CPLANE1: variants seen among roughly 807,000 people sequenced by gnomAD.
The protein encoded by CPLANE1 is ciliogenesis and planar polarity effector 1.
CPLANE1 carries 263 observed loss-of-function variants against 362.5 expected under a neutral mutation model. That is an observed-to-expected ratio of 0.73 (90% CI 0.66 to 0.80). The LOEUF is 0.80. Among genes scored for constraint, CPLANE1 ranks in the 30% least tolerant of loss-of-function variants. The probability of loss-of-function intolerance (pLI) is 0.00; values close to 1 mark genes in which losing one functional copy is unlikely to be tolerated. For missense variants in CPLANE1, 3,461 were observed against 3,793.4 expected (o/e 0.91, Z 2.30); for synonymous variants, 1,212 against 1,302.6 (o/e 0.93, Z 1.50).
chr5:37,083,087 C>CAGTT, the CPLANE1 span, among the ~76,000 whole-genome samples: 1 of 152,190 alleles, frequency 6.6e-6, no homozygotes, highest in African/African-American at 2.4e-5. Flanking sequence ...GACCCACAGA[C>CAGTT]AGTTCACATC....
At chr5:37,118,196 C>A (rs1208590053) in intron 50 of CPLANE1, among the ~76,000 whole-genome samples, 1 of 151,762 alleles carries the variant, frequency 6.6e-6, no homozygotes, top group African/African-American at 2.4e-5. Context: ...GAGTTCAAGA[C>A]CAGCCTGGGC....
At chr5:37,162,398 G>T in intron 38 of CPLANE1, 67 bp downstream of exon 38, 1 of 961,478 alleles carries the variant, frequency 1.0e-6, no homozygotes. Context: ...TGTCTTAAAG[G>T]AAAAGTCTAG....
intron 21 of CPLANE1, 42 bp from the exon 22 acceptor site, chr5:37,187,884 T>G: frequency 1.4e-6 from 2 of 1,386,328 alleles, no homozygotes; most frequent in East Asian, 4.7e-5. Context: ...CACATGAGTA[T>G]GTACATTAAT....
chr5:37,169,351 A>C lies in CPLANE1; in HGVS notation c.6673T>G (p.Phe2225Val). Residue 2225 changes from phenylalanine to valine, a missense_variant, in exon 34 of 53, where the codon TTT becomes GTT. Phe to Val is a conservative substitution (Grantham distance 50). Around this residue, in one of 2 missense-constraint regions of CPLANE1, gnomAD observed 3,380 missense variants for 3,666.1 expected, o/e 0.92. Coordinates refer to ENST00000651892, the MANE Select transcript of CPLANE1 (RefSeq NM_001384732.1). ...TTAGACTTAAATTGAAGCAAAGGAA[A>C]GCCATCACCAGGACTAAATGTTTTT... is the stretch of plus-strand genomic sequence containing the variant. Reference protein sequence around the residue: ...HAKTFSPGDGFPLLQFKSKQE... With the variant: ...HAKTFSPGDGVPLLQFKSKQE... 6.2e-7 allele frequency: 1 copy of C among 1,614,208 alleles called. No homozygotes were observed. The highest frequency in any genetic ancestry group is 8.5e-7 in the Non-Finnish European group (1 of 1,180,036).
At chr5:37,224,852 CA>C in intron 12 of CPLANE1, 112 bp from the exon 13 acceptor site, 1 of 597,554 alleles carries the variant, frequency 1.7e-6, no homozygotes, top group Middle Eastern at 4.6e-4. Flanking sequence ...GTATAACATA[CA>C]TACAAACTGA....
chr5:37,238,482 C>CTT (rs1554113192), intron 8 of CPLANE1, among the ~76,000 whole-genome samples: 4 of 119,486 alleles, frequency 3.3e-5, no homozygotes, highest in Admixed American at 9.1e-5. Flanking sequence ...AGCGCCCAGC[C>CTT]TTTTCTTTTT....
intron 14 of CPLANE1, 57 bp downstream of exon 14, chr5:37,224,196 G>A (rs1795958896): frequency 1.7e-6 from 2 of 1,168,920 alleles, no homozygotes; most frequent in South Asian, 1.4e-5. Context: ...AAGGTCTACA[G>A]CAAGCTAAAA....
At chr5:37,176,095 T>G (rs772033091) in intron 30 of CPLANE1, 109 bp from the exon 31 acceptor site, 2 of 706,530 alleles carry the variant, frequency 2.8e-6, no homozygotes, top group Non-Finnish European at 4.9e-6. Context: ...CCTCTAATCT[T>G]CTATAATGTT....
chr5:37,105,394 A>G (rs1303001799), downstream of CPLANE1, among the ~76,000 whole-genome samples: 1 of 152,256 alleles, frequency 6.6e-6, no homozygotes, highest in Admixed American at 6.5e-5. Context: ...CATTTTTGGT[A>G]AAGCTATCAA....
Position 37,162,630 on chromosome 5 carries a change from A to G in CPLANE1, c.7589-64T>C. The G allele has an allele frequency of 3.5e-6, 4 of 1,147,506 alleles. No homozygotes were observed. The South Asian group carries it at 3.8e-5, about 11-fold the overall frequency. The allele number at this position is 1,147,506 out of a possible 1,614,324, so 71.1% of individuals were successfully genotyped here. On this transcript the variant is annotated intron_variant, in intron 37 of 52. Coordinates refer to ENST00000651892, the MANE Select transcript of CPLANE1 (RefSeq NM_001384732.1). Reference sequence around the variant, plus strand: ...GCTAACAGATTACCAGGAGCCCAGCAGCACAGTACCTAACTCAATGGAAGT... The same window carrying G: ...GCTAACAGATTACCAGGAGCCCAGCGGCACAGTACCTAACTCAATGGAAGT...
At chr5:37,195,760 C>A in intron 21 of CPLANE1, 98 bp downstream of exon 21, 3 of 1,135,254 alleles carry the variant, frequency 2.6e-6, no homozygotes, top group Non-Finnish European at 3.7e-6. Flanking sequence ...AGTAAAATAT[C>A]AGAGCATATT....
intron 1 of CPLANE1, among the ~76,000 whole-genome samples, chr5:37,248,505 A>C (rs12658307): frequency 6.7e-6 from 1 of 149,214 alleles, no homozygotes; most frequent in African/African-American, 2.6e-5. Flanking sequence ...ACAGCACACA[A>C]AGATCTATCA....
Position 37,183,373 on chromosome 5 carries a change from T to C in CPLANE1, c.4808A>G (p.His1603Arg), listed in dbSNP as rs760625416. The C allele has an allele frequency of 4.3e-6, 7 of 1,612,688 alleles. No individual in the cohort carries two copies. Among genetic ancestry groups the C allele is most frequent in the African/African-American group, 2.7e-5 (2 of 74,800 alleles). The stretch of plus-strand genomic sequence containing the variant: ...ATTCTGGCTTTTAGTTTTGCTCTGA[T>C]GTCGTTTTAATGTTGTATGTACATC... ...LFDVHTTLKR[H>R]QSKTKSQNVF... The change falls in exon 26 of 53, where the codon CAT (histidine) becomes CGT (arginine). Residue 1603 changes from histidine (H) to arginine (R), a missense_variant. Physicochemically the swap from His to Arg is conservative, Grantham distance 29 (BLOSUM62 0). Coordinates refer to ENST00000651892, the MANE Select transcript of CPLANE1 (RefSeq NM_001384732.1).
intron 16 of CPLANE1, chr5:37,210,092 C>T (rs1224217507): frequency 3.2e-5 from 26 of 822,260 alleles, no homozygotes; most frequent in Non-Finnish European, 4.6e-5. Flanking sequence ...AGGAATTAGC[C>T]GTGTTCCAGA....
In CPLANE1 at chr5:37,247,737, C is replaced by A. The variant is rs1740209870; in HGVS notation, c.-39G>T. 1.3e-6 allele frequency: 2 copies of A among 1,507,604 alleles called. No homozygotes were observed. The highest frequency in any genetic ancestry group is 1.3e-5 in the South Asian group (1 of 78,360). 93.4% of individuals were successfully genotyped at this position (1,507,604 alleles called of 1,614,324 possible). ...TCAATGACCAATTAAGTAAAACAGT[C>A]CCAAGATTCTGTAAACAATAATAGT... On this transcript the variant is annotated 5_prime_UTR_variant, in exon 2 of 53. Coordinates refer to ENST00000651892, the MANE Select transcript of CPLANE1 (RefSeq NM_001384732.1).
intron 41 of CPLANE1, among the ~76,000 whole-genome samples, chr5:37,156,071 C>T (rs1477443142): frequency 6.6e-6 from 1 of 152,214 alleles, no homozygotes; most frequent in African/African-American, 2.4e-5. Flanking sequence ...TGCCCTAACA[C>T]ATCCTAAACC....
chr5:37,167,781 A>AT (rs1489585036), intron 34 of CPLANE1, among the ~76,000 whole-genome samples: 1 of 152,200 alleles, frequency 6.6e-6, no homozygotes, highest in Non-Finnish European at 1.5e-5. Flanking sequence ...CGTCTCATAC[A>AT]TAAAAACAAA....
In CPLANE1 at chr5:37,169,421, G is replaced by A; in HGVS notation, c.6603C>T (p.Ser2201=). ...GTGCCTTCTGAACAACAGAAGGTGT[G>A]GACAAAAGGTAGAGGTGAGTATTTC... ...PAGNTHLYLL[S]TPSVVQKAPR... The change falls in exon 34 of 53, where the codon TCC becomes TCT. Residue 2201 remains serine (S), a synonymous_variant. Transcript: ENST00000651892. 6.2e-7 allele frequency: 1 copy of A among 1,614,174 alleles called. No individual in the cohort carries two copies. Among genetic ancestry groups the A allele is most frequent in the Non-Finnish European group, 8.5e-7 (1 of 1,180,036 alleles).
Position 37,183,290 on chromosome 5 carries a change from A to AT in CPLANE1, c.4890dup (p.Ser1631IlefsTer6), listed in dbSNP as rs1554083251. On this transcript the variant is annotated frameshift_variant, in exon 26 of 53. Transcript: ENST00000651892. ...CCATATTCATCATTTAAAGAGGATG[A>AT]TTTTTCTGATTCATAGGACTCAGGA... 6.2e-7 allele frequency: 1 copy of AT among 1,613,546 alleles called. No individual in the cohort carries two copies. Among genetic ancestry groups the AT allele is most frequent in the Non-Finnish European group, 8.5e-7 (1 of 1,179,874 alleles).
Sources: allele counts gnomAD v4.1 joint callset (sites outside exome capture counted in the v4.1 genomes callset), GRCh38; gene constraint gnomAD v4.1.1; regional missense constraint gnomAD v4.1.1; transcripts MANE v1.5; gene names NCBI Gene and HGNC (gene_info 2026-07-23, HGNC 2026-07-21).